The following PDZD2 variants were observed in gnomAD, a reference collection of about 807,000 sequenced individuals.
The protein encoded by PDZD2 is PDZ domain-containing protein 2.
In PDZD2, 90 loss-of-function variants were observed where a neutral mutation model predicts 220.7. That is an observed-to-expected ratio of 0.41 (90% CI 0.34 to 0.49). PDZD2 has a LOEUF of 0.49. Among genes scored for constraint, PDZD2 ranks in the 20% least tolerant of loss-of-function variants. The pLI is 0.28. For missense variants in PDZD2, 3,174 were observed against 3,608.5 expected (o/e 0.88, Z 3.08); for synonymous variants, 1,375 against 1,450.5 (o/e 0.95, Z 1.18).
chr5:31,907,817 G>A (rs1463909052), intron 2 of PDZD2, among the ~76,000 whole-genome samples: 3 of 152,106 alleles, frequency 2.0e-5, no homozygotes, highest in Non-Finnish European at 4.4e-5. Flanking sequence ...GGGCCCGGTG[G>A]CTTATGCCTG....
chr5:31,698,875 C>CCTGGTTTGTGACCG (rs1747492146), intron 1 of PDZD2, among the ~76,000 whole-genome samples: 1 of 151,966 alleles, frequency 6.6e-6, no homozygotes, highest in South Asian at 2.1e-4. Context: ...GTTTGTGACC[C>CCTGGTTTGTGACCG]CATCCGTCTT....
intron 2 of PDZD2, among the ~76,000 whole-genome samples, chr5:31,849,306 T>C (rs1757780207): frequency 6.6e-6 from 1 of 152,158 alleles, no homozygotes; most frequent in Admixed American, 6.5e-5. Flanking sequence ...ATTAGCCGTG[T>C]TACTTAACCT....
At chr5:31,932,552 A>AAAAGAAAG (rs139660975) in intron 2 of PDZD2, among the ~76,000 whole-genome samples, 1 of 151,178 alleles carries the variant, frequency 6.6e-6, no homozygotes, top group Non-Finnish European at 1.5e-5. Context: ...CTGCCTCAAA[A>AAAAGAAAG]AAAGAAAGAA....
In PDZD2 at chr5:31,893,081, AT is replaced by A. The variant is rs1741202723; in HGVS notation, c.477-90067del. ...TTGGCTTATTTCTCCAAGAAAGAATATTTTTTTGGATAATCTTGAAACTATT... is the reference window on the plus strand; with the variant it reads ...TTGGCTTATTTCTCCAAGAAAGAATATTTTTTGGATAATCTTGAAACTATT... On this transcript the variant is annotated intron_variant, in intron 2 of 24. Coordinates refer to ENST00000438447, the MANE Select transcript of PDZD2 (RefSeq NM_178140.4). 6.4e-5 allele frequency among the ~76,000 whole-genome samples: 8 copies of A among 125,640 alleles called. No homozygotes were observed. In the South Asian group the frequency reaches 1.3e-3, roughly 21 times the overall value. The allele number at this position is 125,640 out of a possible 152,430, so 82.4% of individuals were successfully genotyped here.
intron 1 of PDZD2, among the ~76,000 whole-genome samples, chr5:31,783,705 T>C (rs1286222382): frequency 6.6e-6 from 1 of 152,074 alleles, no homozygotes; most frequent in Non-Finnish European, 1.5e-5. Context: ...CTATTTCCTA[T>C]AGCACCTCCC....
intron 3 of PDZD2, among the ~76,000 whole-genome samples, chr5:31,989,421 CT>C (rs869045113): frequency 0.029 from 3,462 of 119,870 alleles, 78 homozygotes; most frequent in African/African-American, 0.1. Flanking sequence ...ATTTTCTTTT[CT>C]TTTTTTTTTT....
chr5:31,669,649 C>T (rs192350846), intron 1 of PDZD2, among the ~76,000 whole-genome samples: 2 of 152,294 alleles, frequency 1.3e-5, no homozygotes, highest in Admixed American at 6.5e-5. Context: ...CCAAAGTTCA[C>T]AGTAACAGAG....
intron 2 of PDZD2, among the ~76,000 whole-genome samples, chr5:31,926,820 G>A (rs1744821413): frequency 1.3e-5 from 2 of 151,682 alleles, no homozygotes; most frequent in Non-Finnish European, 2.9e-5. Context: ...ATGAACCTAT[G>A]TGCCCATTAA....
chr5:32,035,272 CT>C (rs55975120), intron 6 of PDZD2, among the ~76,000 whole-genome samples: 19,014 of 147,856 alleles, frequency 0.13, 1,406 homozygotes, highest in Admixed American at 0.17. Flanking sequence ...TTTTTTTTTT[CT>C]TTTTTGAGAT....
intron 2 of PDZD2, among the ~76,000 whole-genome samples, chr5:31,949,126 G>C (rs1224747271): frequency 7.1e-6 from 1 of 140,554 alleles, no homozygotes; most frequent in African/African-American, 2.6e-5. Flanking sequence ...AAAAAAAATA[G>C]TGTTCCTGGC....
chr5:31,725,511 T>G, intron 1 of PDZD2: 1 of 1,287,708 alleles, frequency 7.8e-7, no homozygotes, highest in Non-Finnish European at 1.1e-6. Flanking sequence ...TGTCTAAAAA[T>G]GATCATGGTT....
chr5:32,006,160 A>G (rs1022922602), intron 5 of PDZD2, among the ~76,000 whole-genome samples: 17 of 151,882 alleles, frequency 1.1e-4, no homozygotes, highest in Non-Finnish European at 1.8e-4. Context: ...AAAAAAAAAA[A>G]AAGATATCAA....
chr5:31,831,022 C>T (rs1214704181), intron 2 of PDZD2, among the ~76,000 whole-genome samples: 1 of 152,218 alleles, frequency 6.6e-6, no homozygotes, highest in Non-Finnish European at 1.5e-5. Flanking sequence ...TGTGGAGACC[C>T]AGTTCCCTGT....
At chr5:32,015,388 AG>A (rs969956183) in intron 6 of PDZD2, among the ~76,000 whole-genome samples, 7 of 152,102 alleles carry the variant, frequency 4.6e-5, no homozygotes, top group African/African-American at 1.7e-4. Flanking sequence ...CTGGGAGTAC[AG>A]GTGCACGCCA....
At chr5:32,069,842 A>G (rs6880988) in intron 15 of PDZD2, among the ~76,000 whole-genome samples, 192 bp downstream of exon 15, 6,502 of 152,296 alleles carry the variant, frequency 0.043, 448 homozygotes, top group African/African-American at 0.15. Context: ...GTGCTTCATT[A>G]AAGATCTAAT....
chr5:31,679,269 C>T (rs1746563012), intron 1 of PDZD2, among the ~76,000 whole-genome samples: 2 of 152,252 alleles, frequency 1.3e-5, no homozygotes, highest in Non-Finnish European at 2.9e-5. Flanking sequence ...TTATGGAAAG[C>T]AAAATATTCT....
At chr5:31,742,481 G>T in intron 1 of PDZD2, among the ~76,000 whole-genome samples, 1 of 147,112 alleles carries the variant, frequency 6.8e-6, no homozygotes, top group Admixed American at 6.9e-5. Context: ...GAGCCCAGTT[G>T]GAGCCCATCA....
At chr5:31,978,745 C>T (rs973893663) in intron 2 of PDZD2, among the ~76,000 whole-genome samples, 1 of 147,522 alleles carries the variant, frequency 6.8e-6, no homozygotes, top group African/African-American at 2.5e-5. Flanking sequence ...TAAGAAAATA[C>T]CCCCTATTTA....
intron 1 of PDZD2, among the ~76,000 whole-genome samples, chr5:31,786,000 C>T (rs574734484): frequency 1.1e-4 from 16 of 152,220 alleles, no homozygotes; most frequent in African/African-American, 2.9e-4. Flanking sequence ...CTACCTCCTC[C>T]GAAATCTTTC....
Sources: gnomAD v4.1 joint callset for allele counts (sites outside exome capture counted in the v4.1 genomes callset) on GRCh38, gnomAD v4.1.1 for gene constraint, MANE v1.5 for transcripts, NCBI Gene and HGNC (gene_info 2026-07-23, HGNC 2026-07-21) for gene names.